Variants in SLC9A8 observed in about 807,000 individuals in gnomAD.
SLC9A8 encodes the protein solute carrier family 9 member A8.
In SLC9A8, 48 loss-of-function variants were observed where a neutral mutation model predicts 66.6. The observed-to-expected ratio is 0.72, with a 90% CI of 0.57 to 0.92. The LOEUF (loss-of-function observed/expected upper bound fraction) is 0.92. Ranked by LOEUF, SLC9A8 falls within the 40% of genes least tolerant of loss-of-function variation. The probability of loss-of-function intolerance (pLI) is 0.00; values close to 1 mark genes in which losing one functional copy is unlikely to be tolerated. For synonymous variants in SLC9A8, 274 were observed against 282.6 expected, an observed-to-expected ratio of 0.97 and a Z score of 0.31; for missense variants, 599 against 747.3, an observed-to-expected ratio of 0.80 and a Z score of 2.31.
chr20:49,830,497 T>C, intron 3 of SLC9A8: 1 of 773,618 alleles, frequency 1.3e-6, no homozygotes, highest in Non-Finnish European at 2.3e-6. Context: ...AAGTGCTACG[T>C]GGACATGTCA....
Position 49,886,525 on chromosome 20 carries a change from G to C in SLC9A8, c.1492-227G>C, listed in dbSNP as rs1600829968. On this transcript the variant is annotated intron_variant, in intron 14 of 15. Coordinates refer to ENST00000361573, the MANE Select transcript of SLC9A8 (RefSeq NM_015266.3). This position sits in a 1 kb window ranked among gnomAD's most constrained non-coding sequence, Gnocchi z 4.8. ...AGCCCCAGCCTGGCCCAGTCCTTCT[G>C]TTTTAGCTGTCCTAGGTGGGGTCCT... The C allele has an allele frequency of 2.1e-6, 1 of 481,248 alleles. No homozygotes were observed. The allele number at this position is 481,248 out of a possible 1,614,324, so 29.8% of individuals were successfully genotyped here.
chr20:49,830,080 T>C, intron 3 of SLC9A8: 1 of 731,766 alleles, frequency 1.4e-6, no homozygotes, highest in Non-Finnish European at 2.5e-6. Context: ...CAGATCCTCA[T>C]TTCCATCATT....
At chr20:49,820,717 T>G (rs1172732090) in intron 2 of SLC9A8, among the ~76,000 whole-genome samples, 1 of 151,960 alleles carries the variant, frequency 6.6e-6, no homozygotes, top group Non-Finnish European at 1.5e-5. Context: ...TGCTAATTTT[T>G]GTATTTTTAG....
At chr20:49,814,462 C>T (rs1045204258) in intron 1 of SLC9A8, among the ~76,000 whole-genome samples, 1 of 152,096 alleles carries the variant, frequency 6.6e-6, no homozygotes. Context: ...GCTGTGGGAA[C>T]ATACGCAGTG....
At chr20:49,866,409 A>T (rs1353130707) in intron 10 of SLC9A8, among the ~76,000 whole-genome samples, 1 of 152,216 alleles carries the variant, frequency 6.6e-6, no homozygotes, top group Non-Finnish European at 1.5e-5. Flanking sequence ...GTCATATGGT[A>T]AGTACATTTT....
In SLC9A8 at chr20:49,882,595, G is replaced by A. The variant is rs376474061; in HGVS notation, c.1271-1251G>A. On this transcript the variant is annotated intron_variant, in intron 13 of 15. Coordinates refer to ENST00000361573, the MANE Select transcript of SLC9A8 (RefSeq NM_015266.3). ...TCCACCTAGTCCCAAAGCTGTTCCC[G>A]CGAACCCAGACCTCCCTCTGGGATC... Among the ~76,000 whole-genome samples the A allele has an allele frequency of 1.7e-4, 26 of 152,262 alleles. No homozygotes were observed. In the South Asian group the frequency reaches 3.9e-3, roughly 23 times the overall value.
chr20:49,884,603 A>G (rs552818675), intron 14 of SLC9A8, among the ~76,000 whole-genome samples: 2 of 152,152 alleles, frequency 1.3e-5, no homozygotes, highest in Admixed American at 1.3e-4. Flanking sequence ...ATTCCCCAGT[A>G]TGGTTTTACT....
chr20:49,848,987 ATTGCAGTC>A (rs2088127674), intron 5 of SLC9A8, among the ~76,000 whole-genome samples: 1 of 152,150 alleles, frequency 6.6e-6, no homozygotes, highest in Non-Finnish European at 1.5e-5. Context: ...TAAGTGCAAA[ATTGCAGTC>A]TTGTCAACCG....
At chr20:49,819,171 T>C (rs148670722) in intron 2 of SLC9A8, among the ~76,000 whole-genome samples, 330 of 152,356 alleles carry the variant, frequency 2.2e-3, no homozygotes, top group African/African-American at 7.4e-3. Flanking sequence ...AGATTAACAA[T>C]TAACATTATT....
Position 49,890,938 on chromosome 20 carries a change from G to A in SLC9A8, c.*3002G>A, listed in dbSNP as rs1179832280. On this transcript the variant is annotated 3_prime_UTR_variant, in exon 16 of 16. Coordinates refer to ENST00000361573, the MANE Select transcript of SLC9A8 (RefSeq NM_015266.3). ...TGCCATGGAATGCTGAAAGATGGGTGACTGGGGACCCTTCTTAAAACCTTT... is the reference window on the plus strand; with the variant it reads ...TGCCATGGAATGCTGAAAGATGGGTAACTGGGGACCCTTCTTAAAACCTTT... 6.6e-6 allele frequency: 1 copy of A among 152,330 alleles called. No homozygotes were observed. The highest frequency in any genetic ancestry group is 1.9e-4 in the East Asian group (1 of 5,198). The allele number at this position is 152,330 out of a possible 1,614,324, so 9.4% of individuals were successfully genotyped here. A position where few individuals can be genotyped will look rare whatever the true frequency, so the allele number is the denominator to read the frequency against.
At chr20:49,867,230 G>A (rs1393092576) in intron 10 of SLC9A8, among the ~76,000 whole-genome samples, 2 of 152,158 alleles carry the variant, frequency 1.3e-5, no homozygotes, top group Non-Finnish European at 2.9e-5. Context: ...CCTTTACGGA[G>A]TTCTGGACTT....
At chr20:49,841,203 G>T (rs771836982) in intron 4 of SLC9A8, among the ~76,000 whole-genome samples, 25 of 152,134 alleles carry the variant, frequency 1.6e-4, no homozygotes, top group Admixed American at 7.9e-4. Context: ...CTACTTGGGA[G>T]GCTGAGGCAG....
At chr20:49,835,181 A>T (rs1305895716) in intron 3 of SLC9A8, among the ~76,000 whole-genome samples, 1 of 111,156 alleles carries the variant, frequency 9.0e-6, no homozygotes, top group Non-Finnish European at 1.8e-5. Context: ...CCCTAGGGAG[A>T]TAGTCTGGGT....
At chr20:49,828,729 C>T (rs531551970) in intron 3 of SLC9A8, among the ~76,000 whole-genome samples, 1 of 151,714 alleles carries the variant, frequency 6.6e-6, no homozygotes, top group Non-Finnish European at 1.5e-5. Context: ...ATCCCAGCTA[C>T]TCAGGAGGCT....
Position 49,850,813 on chromosome 20 carries a change from G to A in SLC9A8, c.538G>A (p.Asp180Asn). The change falls in exon 7 of 16, where the codon GAT becomes AAT. Residue 180 changes from aspartate (D) to asparagine (N), a missense_variant. Physicochemically the swap from Asp to Asn is conservative, Grantham distance 23 (BLOSUM62 1). Around this residue, in one of 2 missense-constraint regions of SLC9A8, gnomAD observed 467 missense variants for 626.5 expected, o/e 0.75. Coordinates refer to ENST00000361573, the MANE Select transcript of SLC9A8 (RefSeq NM_015266.3). ...GTTTGTGTGTTTTATTTTACAGGCT[G>A]ATGTAATCTCTAAACTCAACATGAC... ...GGGIYFLGQA[D>N]VISKLNMTDS... 1.2e-6 allele frequency: 2 copies of A among 1,611,164 alleles called. No homozygotes were observed. The highest frequency in any genetic ancestry group is 2.2e-5 in the South Asian group (2 of 90,038).
rs141792005 is a variant in SLC9A8, at chr20:49,873,507, C to T, written c.959-1198C>T. ...CAAAAAAAAAAAAAAAAAAAGAGGC[C>T]GGGCATGTTGGCTTACGCCTGTAAT... On this transcript the variant is annotated intron_variant, in intron 10 of 15. Coordinates refer to ENST00000361573, the MANE Select transcript of SLC9A8 (RefSeq NM_015266.3). Among the ~76,000 whole-genome samples the T allele has an allele frequency of 9.4e-4, 137 of 145,718 alleles. 1 individual carries two copies. In the East Asian group the frequency reaches 0.018, roughly 19 times the overall value.
Position 49,839,591 on chromosome 20 carries a change from A to G in SLC9A8, c.340A>G (p.Asn114Asp), listed in dbSNP as rs759411525. 3 of 1,600,826 alleles carry G rather than the reference A, an allele frequency of 1.9e-6. No homozygotes were observed. The East Asian group carries it at 6.7e-5, about 36-fold the overall frequency. ...AATTATAGAGTTTAAAAAACTGGCGAATTGGAAGGTAGGTTTGCCCTTTGG... is the reference window on the plus strand; with the variant it reads ...AATTATAGAGTTTAAAAAACTGGCGGATTGGAAGGTAGGTTTGCCCTTTGG... ...IKIIEFKKLANWKEEEMFRPN... is the reference protein window; with the variant it reads ...IKIIEFKKLADWKEEEMFRPN... Residue 114 changes from asparagine (N) to aspartate (D), a missense_variant, in exon 4 of 16, where the codon AAT (asparagine) becomes GAT (aspartate). Coordinates refer to ENST00000361573, the MANE Select transcript of SLC9A8 (RefSeq NM_015266.3).
chr20:49,816,904 A>G (rs6020065), intron 2 of SLC9A8, among the ~76,000 whole-genome samples: 82,762 of 151,442 alleles, frequency 0.55, 24,248 homozygotes, highest in African/African-American at 0.76. Context: ...AATTTTTTGT[A>G]TTTTTAGTAG....
At position 49,883,842 on chromosome 20, in the gene SLC9A8, C is replaced by T. The variant is rs779706487; in HGVS notation, c.1271-4C>T. ...GTCCTCTCACACTGTTTGCTGTCACCCAGGCCTGCGGGGAGCCATCCCCTA... is the reference window on the plus strand; with the variant it reads ...GTCCTCTCACACTGTTTGCTGTCACTCAGGCCTGCGGGGAGCCATCCCCTA... On this transcript the variant is annotated splice_polypyrimidine_tract_variant and splice_region_variant and intron_variant, in intron 13 of 15. Transcript: ENST00000361573. The T allele has an allele frequency of 4.9e-5, 78 of 1,602,468 alleles. No homozygotes were observed. The highest frequency in any genetic ancestry group is 6.4e-5 in the Non-Finnish European group (75 of 1,178,422).
Sources: allele counts gnomAD v4.1 joint callset (sites outside exome capture counted in the v4.1 genomes callset), GRCh38; gene constraint gnomAD v4.1.1; regional missense constraint gnomAD v4.1.1; non-coding constraint Gnocchi (gnomAD v3.1); transcripts MANE v1.5; gene names NCBI Gene and HGNC (gene_info 2026-07-23, HGNC 2026-07-21).